FLYWCH1: variants seen among roughly 807,000 people sequenced by gnomAD.
FLYWCH1 encodes FLYWCH-type zinc finger-containing protein 1.
FLYWCH1 carries 75 observed loss-of-function variants against 66.4 expected under a neutral mutation model. The observed-to-expected ratio is 1.13, with a 90% CI of 0.94 to 1.37. FLYWCH1 has a LOEUF of 1.37. Ranked by LOEUF, FLYWCH1 falls within the 40% of genes most tolerant of loss-of-function variation. The probability of loss-of-function intolerance (pLI) is 0.00; values close to 1 mark genes in which losing one functional copy is unlikely to be tolerated. For synonymous variants in FLYWCH1, 595 were observed against 429.9 expected (o/e 1.38, Z -4.75); for missense variants, 1,334 against 1,001.8 (o/e 1.33, Z -4.48).
At chr16:2,922,411 G>A (rs2070405587) in intron 2 of FLYWCH1, 1 of 188,334 alleles carries the variant, frequency 5.3e-6, no homozygotes, top group Non-Finnish European at 1.1e-5. Context: ...CGTCACCACC[G>A]TCCATCTCCA....
At chr16:2,914,908 CAA>C (rs555910638) in intron 2 of FLYWCH1, among the ~76,000 whole-genome samples, 103 of 72,702 alleles carry the variant, frequency 1.4e-3, no homozygotes, top group East Asian at 4.0e-3. Flanking sequence ...GACTCTGTCT[CAA>C]AAAAAAAAAA....
rs1001617993 is a variant in FLYWCH1 at position 2,929,626 on chromosome 16, C to G, written c.-60C>G. The G allele has an allele frequency of 1.2e-5, 18 of 1,538,794 alleles. No individual in the cohort carries two copies. In the African/African-American group the frequency reaches 1.5e-4, roughly 13 times the overall value. ...TTCCTTCCTTAGGACGGAACCACTG[C>G]ACTCCAGGTTCCTTGCTGGGTGCTG... On this transcript the variant is annotated 5_prime_UTR_variant, in exon 3 of 10. Transcript: ENST00000253928.
chr16:2,926,711 T>C (rs2070579476), intron 2 of FLYWCH1, among the ~76,000 whole-genome samples: 1 of 152,170 alleles, frequency 6.6e-6, no homozygotes, highest in Non-Finnish European at 1.5e-5. Flanking sequence ...ATTGTAGAAT[T>C]AATGGCCTAT....
chr16:2,918,870 A>C (rs909318363), intron 2 of FLYWCH1, among the ~76,000 whole-genome samples: 2 of 152,338 alleles, frequency 1.3e-5, no homozygotes, highest in African/African-American at 4.8e-5. Context: ...TTGTCCAAGT[A>C]ATATTTTGGT....
chr16:2,912,554 G>T (rs2070026709), intron 1 of FLYWCH1, among the ~76,000 whole-genome samples: 1 of 152,198 alleles, frequency 6.6e-6, no homozygotes, highest in Non-Finnish European at 1.5e-5. Flanking sequence ...TAGATCTCCG[G>T]TGACGGCTTT....
chr16:2,941,069 A>C (rs1303615005), intron 9 of FLYWCH1, among the ~76,000 whole-genome samples: 1 of 152,220 alleles, frequency 6.6e-6, no homozygotes, highest in African/African-American at 2.4e-5. Flanking sequence ...ACTGCACTCC[A>C]GCCTAGGTGA....
chr16:2,912,605 T>C (rs2070028038), intron 1 of FLYWCH1, among the ~76,000 whole-genome samples: 1 of 152,184 alleles, frequency 6.6e-6, no homozygotes, highest in Middle Eastern at 3.2e-3. Context: ...GAAATGCCTT[T>C]TACGCGTGTA....
chr16:2,933,671 C>A (rs772633458), intron 5 of FLYWCH1, 45 bp from the exon 6 acceptor site: 2 of 1,588,740 alleles, frequency 1.3e-6, no homozygotes, highest in East Asian at 4.5e-5. Flanking sequence ...ATCAGGCCTA[C>A]CCAGCCCCTG....
chr16:2,937,421 C>G lies in FLYWCH1; in HGVS notation c.1777+37C>G, dbSNP rs1020308470. ...GGGTGCTGGGCTGGGTCTGCCTGGT[C>G]TCCCAGGACCTGTGCCCCACACGCT... On this transcript the variant is annotated intron_variant, in intron 7 of 9. Coordinates refer to ENST00000253928, the MANE Select transcript of FLYWCH1 (RefSeq NM_001308068.2). 2.0e-6 allele frequency: 3 copies of G among 1,494,538 alleles called. No homozygotes were observed. The African/African-American group carries it at 4.2e-5, about 21-fold the overall frequency. The allele number at this position is 1,494,538 out of a possible 1,614,324, so 92.6% of individuals were successfully genotyped here.
In FLYWCH1 at chr16:2,930,821, C is replaced by T; in HGVS notation, c.737C>T (p.Ala246Val). ...AAGCCGGCCCTGGAGGAGGAGGAGG[C>T]ACCCCGAGCCCTGTCACTGCTGAGC... is the stretch of plus-strand genomic sequence containing the variant. ...LSKPALEEEE[A>V]PRALSLLSLP... Residue 246 changes from alanine to valine, a missense_variant, in exon 4 of 10, where the codon GCA becomes GTA. By Grantham distance (64) the Ala-to-Val change is moderately conservative (BLOSUM62 0). Transcript: ENST00000253928. The T allele has an allele frequency of 1.2e-6, 2 of 1,602,720 alleles. No homozygotes were observed. The highest frequency in any genetic ancestry group is 1.3e-5 in the African/African-American group (1 of 74,884).
At chr16:2,928,547 A>G (rs1466408395) in intron 2 of FLYWCH1, among the ~76,000 whole-genome samples, 1 of 152,138 alleles carries the variant, frequency 6.6e-6, no homozygotes, top group East Asian at 1.9e-4. Context: ...AATCCATTAA[A>G]CCTTGATTCA....
rs1329778206 is a variant in FLYWCH1 at position 2,930,718 on chromosome 16, G to GTGGAGGAGCCCC, written c.641_652dup (p.Glu214_Glu217dup). On this transcript the variant is annotated inframe_insertion, in exon 4 of 10. Transcript: ENST00000253928. ...GGGTCCTGAGGGCCCTGGAGGCCGA[G>GTGGAGGAGCCCC]TGGAGGAGCCCCTGGAGGGGGTGGG... 25 of 1,547,496 alleles carry GTGGAGGAGCCCC rather than the reference G, an allele frequency of 1.6e-5. No individual in the cohort carries two copies. Among genetic ancestry groups the GTGGAGGAGCCCC allele is most frequent in the Admixed American group, 9.8e-5 (5 of 51,230 alleles).
chr16:2,930,992 A>G (rs1809953626), intron 4 of FLYWCH1, 112 bp downstream of exon 4: 1 of 823,654 alleles, frequency 1.2e-6, no homozygotes, highest in Non-Finnish European at 1.8e-6. Flanking sequence ...AATGTACTCA[A>G]AGCTAAAATG....
At chr16:2,943,540 A>C (rs368244764) in intron 9 of FLYWCH1, 1 of 151,714 alleles carries the variant, frequency 6.6e-6, no homozygotes, top group African/African-American at 2.4e-5. Flanking sequence ...CTGAATAGAC[A>C]CAAAACATTT....
intron 2 of FLYWCH1, among the ~76,000 whole-genome samples, chr16:2,929,189 C>A (rs1457522244): frequency 6.6e-6 from 1 of 152,224 alleles, no homozygotes; most frequent in Non-Finnish European, 1.5e-5. Context: ...CCCGCCTCTT[C>A]AGCCTCAAGT....
chr16:2,939,968 T>A (rs2071192695), intron 8 of FLYWCH1, 64 bp from the exon 9 acceptor site: 1 of 1,541,380 alleles, frequency 6.5e-7, no homozygotes, highest in African/African-American at 1.4e-5. Flanking sequence ...GTGTGTGTCC[T>A]TGGTTCTGTC....
chr16:2,919,688 C>T (rs2070301025), intron 2 of FLYWCH1, among the ~76,000 whole-genome samples: 1 of 152,170 alleles, frequency 6.6e-6, no homozygotes, highest in South Asian at 2.1e-4. Flanking sequence ...CACCACCATG[C>T]CCAGCTCGAA....
At chr16:2,912,401 G>C (rs1206546717) in intron 1 of FLYWCH1, among the ~76,000 whole-genome samples, 3 of 120,422 alleles carry the variant, frequency 2.5e-5, no homozygotes, top group African/African-American at 9.4e-5. Flanking sequence ...CTCGTCCGCC[G>C]TTTCCTGGCG....
chr16:2,946,408 G>T (rs1002512961), intron 9 of FLYWCH1, among the ~76,000 whole-genome samples: 1 of 126,640 alleles, frequency 7.9e-6, no homozygotes, highest in Non-Finnish European at 1.6e-5. Flanking sequence ...TGCAACCTCC[G>T]CCTCCCAGGT....
Sources: allele counts gnomAD v4.1 joint callset (sites outside exome capture counted in the v4.1 genomes callset), GRCh38; gene constraint gnomAD v4.1.1; transcripts MANE v1.5; gene names NCBI Gene and HGNC (gene_info 2026-07-23, HGNC 2026-07-21).